The following LHFPL3 variants were observed in gnomAD, a reference collection of about 807,000 sequenced individuals.
LHFPL3 encodes the protein LHFPL tetraspan subfamily member 3 protein.
In LHFPL3, 5 loss-of-function variants were observed where a neutral mutation model predicts 19.3. That is an observed-to-expected ratio of 0.26 (90% CI 0.14 to 0.54). The LOEUF (loss-of-function observed/expected upper bound fraction) is 0.54. Among genes scored for constraint, LHFPL3 ranks in the 20% least tolerant of loss-of-function variants. The pLI is 0.94. For synonymous variants in LHFPL3, 133 were observed against 126.2 expected (o/e 1.05, Z -0.36); for missense variants, 249 against 307.4 (o/e 0.81, Z 1.42).
chr7:104,483,438 C>A (rs1464043749), intron 1 of LHFPL3, among the ~76,000 whole-genome samples: 2 of 152,104 alleles, frequency 1.3e-5, no homozygotes, highest in Non-Finnish European at 2.9e-5. Context: ...AATTGATGAT[C>A]TATGGACTTT....
At position 104,471,476 on chromosome 7, in the gene LHFPL3, A is replaced by G. The variant is rs149981962; in HGVS notation, c.445+142252A>G. ...TCTGCAATATAAGGTAGATATTATT[A>G]CTCTCATGTTACACATGAGGAAACA... On this transcript the variant is annotated intron_variant, in intron 1 of 2. Coordinates refer to ENST00000424859, the MANE Select transcript of LHFPL3 (RefSeq NM_199000.3). 3.0e-3 allele frequency among the ~76,000 whole-genome samples: 463 copies of G among 152,292 alleles called. 1 individual carries two copies. The highest frequency in any genetic ancestry group is 5.0e-3 in the Non-Finnish European group (343 of 68,024).
At chr7:104,542,742 C>T (rs1794511443) in intron 1 of LHFPL3, among the ~76,000 whole-genome samples, 1 of 152,118 alleles carries the variant, frequency 6.6e-6, no homozygotes, top group South Asian at 2.1e-4. Flanking sequence ...CTACTTTGCC[C>T]AGTGCAAGGG....
In LHFPL3 at chr7:104,903,886, C is replaced by T. The variant is rs546984061; in HGVS notation, c.683-2301C>T. Among the ~76,000 whole-genome samples the T allele has an allele frequency of 5.9e-5, 9 of 152,266 alleles. No homozygotes were observed. In the South Asian group the frequency reaches 1.2e-3, roughly 21 times the overall value. On this transcript the variant is annotated intron_variant, in intron 2 of 2. Coordinates refer to ENST00000424859, the MANE Select transcript of LHFPL3 (RefSeq NM_199000.3). ...TTTCCTATTGTTAATAGTGCTGCAACGAACATATGAGTGCATGTGTCTTTT... is the reference window on the plus strand; with the variant it reads ...TTTCCTATTGTTAATAGTGCTGCAATGAACATATGAGTGCATGTGTCTTTT...
At chr7:104,740,967 G>A (rs747142026) in intron 2 of LHFPL3, among the ~76,000 whole-genome samples, 18 of 152,010 alleles carry the variant, frequency 1.2e-4, no homozygotes, top group South Asian at 2.1e-4. Context: ...AATATGTAAG[G>A]GAAGGGAAAA....
chr7:104,762,861 A>G (rs1794399012), intron 2 of LHFPL3, among the ~76,000 whole-genome samples: 1 of 152,186 alleles, frequency 6.6e-6, no homozygotes, highest in Non-Finnish European at 1.5e-5. Context: ...GCTCTTTCCA[A>G]GACCCCACGC....
intron 2 of LHFPL3, among the ~76,000 whole-genome samples, chr7:104,860,907 T>C (rs2116635346): frequency 6.6e-6 from 1 of 152,280 alleles, no homozygotes; most frequent in South Asian, 2.1e-4. Context: ...AATTTAATCT[T>C]TTTTATTTTA....
chr7:104,471,273 T>C (rs767436058), intron 1 of LHFPL3, among the ~76,000 whole-genome samples: 6 of 152,172 alleles, frequency 3.9e-5, no homozygotes, highest in Non-Finnish European at 5.9e-5. Flanking sequence ...TTTCTTAATT[T>C]TCTTTATGTC....
intron 1 of LHFPL3, among the ~76,000 whole-genome samples, chr7:104,451,514 TA>T (rs1402565551): frequency 1.3e-5 from 2 of 152,118 alleles, no homozygotes; most frequent in Admixed American, 6.5e-5. Flanking sequence ...GTAATATACA[TA>T]AAAACGATCA....
chr7:104,496,197 C>T (rs1793475056), intron 1 of LHFPL3, among the ~76,000 whole-genome samples: 2 of 152,140 alleles, frequency 1.3e-5, no homozygotes, highest in Non-Finnish European at 2.9e-5. Flanking sequence ...TCAATTCCCA[C>T]CTATGAGTGA....
At chr7:104,508,934 C>G (rs1584368585) in intron 1 of LHFPL3, among the ~76,000 whole-genome samples, 2 of 151,444 alleles carry the variant, frequency 1.3e-5, no homozygotes, top group South Asian at 2.1e-4. Context: ...CAACACAAGC[C>G]CTGCAGACAT....
At chr7:104,474,366 G>A (rs1792966405) in intron 1 of LHFPL3, among the ~76,000 whole-genome samples, 1 of 152,148 alleles carries the variant, frequency 6.6e-6, no homozygotes, top group South Asian at 2.1e-4. Flanking sequence ...TGAATAAAAG[G>A]ATTAAGAAAG....
intron 1 of LHFPL3, among the ~76,000 whole-genome samples, chr7:104,584,533 T>C (rs1584417994): frequency 6.6e-6 from 1 of 152,120 alleles, no homozygotes; most frequent in East Asian, 1.9e-4. Flanking sequence ...TGCCACAATT[T>C]CATACCATTT....
intron 2 of LHFPL3, among the ~76,000 whole-genome samples, chr7:104,898,762 G>C (rs934700205): frequency 6.6e-6 from 1 of 152,088 alleles, no homozygotes; most frequent in African/African-American, 2.4e-5. Flanking sequence ...TGAGGCTGCA[G>C]CGGGCTGTCA....
chr7:104,484,524 T>C (rs1793201414), intron 1 of LHFPL3, among the ~76,000 whole-genome samples: 1 of 152,210 alleles, frequency 6.6e-6, no homozygotes, highest in Non-Finnish European at 1.5e-5. Flanking sequence ...CTTTTAGACT[T>C]ACCTTCTTAG....
intron 1 of LHFPL3, among the ~76,000 whole-genome samples, chr7:104,560,870 T>C (rs1789980417): frequency 6.6e-6 from 1 of 150,538 alleles, no homozygotes; most frequent in Admixed American, 6.6e-5. Context: ...CCAGAGATTC[T>C]GGTATGTTGT....
At chr7:104,520,894 AC>A (rs1244603501) in intron 1 of LHFPL3, among the ~76,000 whole-genome samples, 1 of 150,174 alleles carries the variant, frequency 6.7e-6, no homozygotes, top group African/African-American at 2.5e-5. Context: ...CTTTCAAAAA[AC>A]TAGCTCCTGG....
intron 1 of LHFPL3, among the ~76,000 whole-genome samples, chr7:104,438,379 G>A (rs1250808609): frequency 6.6e-6 from 1 of 152,136 alleles, no homozygotes; most frequent in African/African-American, 2.4e-5. Flanking sequence ...CACTTGCACA[G>A]GTTTCAGTAA....
chr7:104,674,372 C>CTTTTTTTTTTTTT (rs531335106), intron 1 of LHFPL3, among the ~76,000 whole-genome samples: 2 of 134,700 alleles, frequency 1.5e-5, no homozygotes, highest in Non-Finnish European at 1.6e-5. Flanking sequence ...TTTTCTTTTT[C>CTTTTTTTTTTTTT]TTTTTTTTTT....
chr7:104,843,850 T>C (rs1791260710), intron 2 of LHFPL3, among the ~76,000 whole-genome samples: 1 of 152,198 alleles, frequency 6.6e-6, no homozygotes, highest in Non-Finnish European at 1.5e-5. Flanking sequence ...GCCATTAATC[T>C]GAGTTTCATG....
Sources: gnomAD v4.1 joint callset for allele counts (sites outside exome capture counted in the v4.1 genomes callset) on GRCh38, gnomAD v4.1.1 for gene constraint, MANE v1.5 for transcripts, NCBI Gene and HGNC (gene_info 2026-07-23, HGNC 2026-07-21) for gene names.